DYRK2: variants seen among roughly 807,000 people sequenced by gnomAD.
DYRK2 encodes the protein dual specificity tyrosine-phosphorylation-regulated kinase 2.
In DYRK2, 12 loss-of-function variants were observed where a neutral mutation model predicts 41.6. The observed-to-expected ratio is 0.29, with a 90% confidence interval of 0.18 to 0.47. The LOEUF (loss-of-function observed/expected upper bound fraction) is 0.47, where lower values mean the gene tolerates loss of function less well. Ranked by LOEUF, DYRK2 falls within the 20% of genes least tolerant of loss-of-function variation. The pLI is 1.00. For missense variants in DYRK2, 678 were observed against 798.4 expected, an observed-to-expected ratio of 0.85 and a Z score of 1.82; for synonymous variants, 322 against 315.7, an observed-to-expected ratio of 1.02 and a Z score of -0.21.
rs1200342844 is a variant in DYRK2 at position 67,660,967 on chromosome 12, C to T, written c.*2254C>T. On this transcript the variant is annotated 3_prime_UTR_variant, in exon 3 of 3. Coordinates refer to ENST00000344096, the MANE Select transcript of DYRK2 (RefSeq NM_006482.3). Reference sequence around the variant, plus strand: ...GTGAACATTTATAAATGGACTAATACTGCTTGTCTTTCCCCCACCGCACAA... The same window carrying T: ...GTGAACATTTATAAATGGACTAATATTGCTTGTCTTTCCCCCACCGCACAA... 6.0e-6 allele frequency: 1 copy of T among 167,004 alleles called. No individual in the cohort carries two copies. Among genetic ancestry groups the T allele is most frequent in the Non-Finnish European group, 1.5e-5 (1 of 68,120 alleles). 10.3% of individuals were successfully genotyped at this position (167,004 alleles called of 1,614,324 possible).
At position 67,658,902 on chromosome 12, in the gene DYRK2, T is replaced by A. The variant is rs1872557068; in HGVS notation, c.*189T>A. The A allele has an allele frequency of 5.1e-6, 3 of 592,402 alleles. No homozygotes were observed. The highest frequency in any genetic ancestry group is 4.0e-5 in the Admixed American group (1 of 25,308). The allele number at this position is 592,402 out of a possible 1,614,324, so 36.7% of individuals were successfully genotyped here. A position where few individuals can be genotyped will look rare whatever the true frequency, so the allele number is the denominator to read the frequency against. Reference sequence around the variant, plus strand: ...TATAAAATACATGAGGACAATGCTTTAAGTTTTTATACTTTCAGAAACTTT... The same window carrying A: ...TATAAAATACATGAGGACAATGCTTAAAGTTTTTATACTTTCAGAAACTTT... On this transcript the variant is annotated 3_prime_UTR_variant, in exon 3 of 3. Coordinates refer to ENST00000344096, the MANE Select transcript of DYRK2 (RefSeq NM_006482.3). The surrounding 1 kb of genome is among the most constrained non-coding windows in gnomAD (Gnocchi z 4.3).
At position 67,658,276 on chromosome 12, in the gene DYRK2, A is replaced by G; in HGVS notation, c.1369A>G (p.Ser457Gly). Residue 457 changes from serine (S) to glycine (G), a missense_variant, in exon 3 of 3, where the codon AGC becomes GGC. Physicochemically the swap from Ser to Gly is moderately conservative, Grantham distance 56 (BLOSUM62 0). Transcript: ENST00000344096. This position sits in a 1 kb window ranked among gnomAD's most constrained non-coding sequence, Gnocchi z 4.3. ...DASKRAKNFV[S>G]SKGYPRYCTV... ...ATCCAAACGAGCCAAAAATTTTGTGAGCTCCAAGGGTTATCCCCGTTACTG... is the reference window on the plus strand; with the variant it reads ...ATCCAAACGAGCCAAAAATTTTGTGGGCTCCAAGGGTTATCCCCGTTACTG... 1 of 1,614,112 alleles carries G rather than the reference A, an allele frequency of 6.2e-7. No individual in the cohort carries two copies. Among genetic ancestry groups the G allele is most frequent in the African/African-American group, 1.3e-5 (1 of 75,024 alleles).
At position 67,658,357 on chromosome 12, in the gene DYRK2, A is replaced by C; in HGVS notation, c.1450A>C (p.Arg484=). Residue 484 remains arginine, a synonymous_variant, in exon 3 of 3, where the codon AGG becomes CGG. Coordinates refer to ENST00000344096, the MANE Select transcript of DYRK2 (RefSeq NM_006482.3). This position sits in a 1 kb window ranked among gnomAD's most constrained non-coding sequence, Gnocchi z 4.3. The part of the protein sequence containing the change: ...SVVLNGGRSR[R]GKLRGPPESR... ...GGTCCTAAACGGAGGCCGTTCCCGGAGGGGGAAACTGAGGGGCCCACCGGA... is the reference window on the plus strand; with the variant it reads ...GGTCCTAAACGGAGGCCGTTCCCGGCGGGGGAAACTGAGGGGCCCACCGGA... The C allele has an allele frequency of 6.2e-7, 1 of 1,611,106 alleles. No individual in the cohort carries two copies. Among genetic ancestry groups the C allele is most frequent in the Non-Finnish European group, 8.5e-7 (1 of 1,178,476 alleles).
At chr12:67,651,332 CTA>C (rs1872316300) in intron 2 of DYRK2, 1 of 255,434 alleles carries the variant, frequency 3.9e-6, no homozygotes, top group Admixed American at 5.5e-5. Flanking sequence ...CAGTTTTTTG[CTA>C]TGTGTTGATG....
chr12:67,658,105 G>T lies in DYRK2; in HGVS notation c.1198G>T (p.Gly400Cys). 6.2e-7 allele frequency: 1 copy of T among 1,614,202 alleles called. No homozygotes were observed. The highest frequency in any genetic ancestry group is 1.7e-5 in the Admixed American group (1 of 60,032). ...APEVILGARY[G>C]MPIDMWSLGC... Reference sequence around the variant, plus strand: ...AGAAGTGATCCTTGGGGCCAGGTATGGCATGCCCATTGATATGTGGAGCCT... The same window carrying T: ...AGAAGTGATCCTTGGGGCCAGGTATTGCATGCCCATTGATATGTGGAGCCT... Residue 400 changes from glycine (G) to cysteine (C), a missense_variant, in exon 3 of 3, where the codon GGC becomes TGC. By Grantham distance (159) the Gly-to-Cys change is radical. This residue lies in a region of DYRK2 where 393 missense variants were observed against 519.1 expected (regional missense o/e 0.76). Coordinates refer to ENST00000344096, the MANE Select transcript of DYRK2 (RefSeq NM_006482.3). This position sits in a 1 kb window ranked among gnomAD's most constrained non-coding sequence, Gnocchi z 4.3.
intron 1 of DYRK2, chr12:67,649,533 C>G (rs921122617): frequency 5.3e-6 from 2 of 375,642 alleles, no homozygotes; most frequent in Non-Finnish European, 9.2e-6. Context: ...GCAACGTGGG[C>G]CGCCTAGCCC....
Position 67,649,104 on chromosome 12 carries a change from C to T in DYRK2, c.-30C>T, listed in dbSNP as rs1872223736. 2 of 1,494,500 alleles carry T rather than the reference C, an allele frequency of 1.3e-6. No individual in the cohort carries two copies. The highest frequency in any genetic ancestry group is 1.8e-6 in the Non-Finnish European group (2 of 1,118,354). 92.6% of individuals were successfully genotyped at this position (1,494,500 alleles called of 1,614,324 possible). A position where few individuals can be genotyped will look rare whatever the true frequency, so the allele number is the denominator to read the frequency against. On this transcript the variant is annotated 5_prime_UTR_variant, in exon 1 of 3. Transcript: ENST00000344096. ...GCAGGACCGGCGGCGGCGACGGCAG[C>T]CCTGAAATGCATTTTCCTCTCCAGC...
At chr12:67,653,805 G>A (rs1008369918) in intron 2 of DYRK2, among the ~76,000 whole-genome samples, 1 of 152,204 alleles carries the variant, frequency 6.6e-6, no homozygotes, top group East Asian at 1.9e-4. Context: ...TTATGTTAAT[G>A]AGGACTTGGA....
At position 67,658,534 on chromosome 12, in the gene DYRK2, C is replaced by G. The variant is rs1872546161; in HGVS notation, c.1627C>G (p.Pro543Ala). ...PWLRRRLPKP[P>A]TGEKTSVKRI... ...GCTGAGGAGGCGGTTGCCAAAGCCT[C>G]CCACCGGGGAGAAAACGTCAGTGAA... Residue 543 changes from proline to alanine, a missense_variant, in exon 3 of 3, where the codon CCC (proline) becomes GCC (alanine). By Grantham distance (27) the Pro-to-Ala change is conservative. This residue lies in a region of DYRK2 where 393 missense variants were observed against 519.1 expected (regional missense o/e 0.76). Coordinates refer to ENST00000344096, the MANE Select transcript of DYRK2 (RefSeq NM_006482.3). The surrounding 1 kb of genome is among the most constrained non-coding windows in gnomAD (Gnocchi z 4.3). The G allele has an allele frequency of 1.2e-6, 2 of 1,613,736 alleles. No homozygotes were observed. The highest frequency in any genetic ancestry group is 1.1e-5 in the South Asian group (1 of 91,016).
rs749764319 is a variant in DYRK2 at position 67,658,050 on chromosome 12, G to A, written c.1143G>A (p.Thr381=). ...GTTACGAGCATCAGCGTGTCTACAC[G>A]TACATCCAGTCGCGTTTTTACCGGG... ...SSCYEHQRVY[T]YIQSRFYRAP... Residue 381 remains threonine, a synonymous_variant, in exon 3 of 3, where the codon ACG becomes ACA. Coordinates refer to ENST00000344096, the MANE Select transcript of DYRK2 (RefSeq NM_006482.3). The surrounding 1 kb of genome is among the most constrained non-coding windows in gnomAD (Gnocchi z 4.3). 7 of 1,614,142 alleles carry A rather than the reference G, an allele frequency of 4.3e-6. No homozygotes were observed. The highest frequency in any genetic ancestry group is 1.7e-5 in the Admixed American group (1 of 60,016).
Position 67,660,396 on chromosome 12 carries a change from T to G in DYRK2, c.*1683T>G, listed in dbSNP as rs936985783. ...AAGGTTTGAAAAAAACACTTTAATTTAGGCTTCGTTGGTTGATGGTGGAAA... is the reference window on the plus strand; with the variant it reads ...AAGGTTTGAAAAAAACACTTTAATTGAGGCTTCGTTGGTTGATGGTGGAAA... On this transcript the variant is annotated 3_prime_UTR_variant, in exon 3 of 3. Transcript: ENST00000344096. The G allele has an allele frequency of 1.2e-5, 2 of 167,002 alleles. No individual in the cohort carries two copies. The highest frequency in any genetic ancestry group is 3.8e-4 in the East Asian group (2 of 5,198). The allele number at this position is 167,002 out of a possible 1,614,324, so 10.3% of individuals were successfully genotyped here.
chr12:67,662,037 C>T lies in DYRK2; in HGVS notation c.*3324C>T, dbSNP rs141354957. The T allele has an allele frequency of 9.2e-4, 153 of 166,330 alleles. 2 individuals are homozygous for T. The highest frequency in any genetic ancestry group is 3.6e-3 in the African/African-American group (151 of 41,524). 10.3% of individuals were successfully genotyped at this position (166,330 alleles called of 1,614,324 possible). On this transcript the variant is annotated 3_prime_UTR_variant, in exon 3 of 3. Transcript: ENST00000344096. ...TTGGGGTCGTGTTAAATGACTCCATCAGAATGTTAGAAAACACTTTAGGCA... is the reference window on the plus strand; with the variant it reads ...TTGGGGTCGTGTTAAATGACTCCATTAGAATGTTAGAAAACACTTTAGGCA...
In DYRK2 at chr12:67,661,888, C is replaced by T. The variant is rs1872632828; in HGVS notation, c.*3175C>T. ...TTTAATTTTATAGTGTGATTAATCC[C>T]AGGGCATTTGGTATGAACCAAAGTG... On this transcript the variant is annotated 3_prime_UTR_variant, in exon 3 of 3. Coordinates refer to ENST00000344096, the MANE Select transcript of DYRK2 (RefSeq NM_006482.3). 6.0e-6 allele frequency: 1 copy of T among 166,780 alleles called. No individual in the cohort carries two copies. The highest frequency in any genetic ancestry group is 1.5e-5 in the Non-Finnish European group (1 of 68,088). The allele number at this position is 166,780 out of a possible 1,614,324, so 10.3% of individuals were successfully genotyped here.
At chr12:67,656,090 A>G (rs1481657276) in intron 2 of DYRK2, among the ~76,000 whole-genome samples, 1 of 152,206 alleles carries the variant, frequency 6.6e-6, no homozygotes, top group Non-Finnish European at 1.5e-5. Flanking sequence ...GGGGTTGTCC[A>G]AGGCAGGAAT....
rs1872667345 is a variant in DYRK2 at position 67,663,161 on chromosome 12, T to C, written c.*4448T>C. ...TTTAATGCTTATGAGTTTGCAGTTT[T>C]TGTACTTGGTGGTCTCTGTGGTTCA... On this transcript the variant is annotated 3_prime_UTR_variant, in exon 3 of 3. Transcript: ENST00000344096. The C allele has an allele frequency of 1.3e-5, 2 of 152,078 alleles. No individual in the cohort carries two copies. The highest frequency in any genetic ancestry group is 2.9e-5 in the Non-Finnish European group (2 of 67,984). 9.4% of individuals were successfully genotyped at this position (152,078 alleles called of 1,614,324 possible).
chr12:67,656,360 C>G (rs1420195026), intron 2 of DYRK2, among the ~76,000 whole-genome samples: 1 of 152,218 alleles, frequency 6.6e-6, no homozygotes, highest in Non-Finnish European at 1.5e-5. Context: ...AGCTGAGCCA[C>G]TGACCCCTCC....
chr12:67,650,539 C>T (rs942008342), intron 2 of DYRK2, among the ~76,000 whole-genome samples: 11 of 152,228 alleles, frequency 7.2e-5, no homozygotes, highest in Admixed American at 2.0e-4. Context: ...GCAGTCAAAA[C>T]AAGCCACCCC....
chr12:67,648,963 G>A lies in DYRK2; in HGVS notation c.-171G>A. 1 of 437,030 alleles carries A rather than the reference G, an allele frequency of 2.3e-6. No homozygotes were observed. 27.1% of individuals were successfully genotyped at this position (437,030 alleles called of 1,614,324 possible). A position where few individuals can be genotyped will look rare whatever the true frequency, so the allele number is the denominator to read the frequency against. On this transcript the variant is annotated 5_prime_UTR_variant, in exon 1 of 3. Coordinates refer to ENST00000344096, the MANE Select transcript of DYRK2 (RefSeq NM_006482.3). The stretch of plus-strand genomic sequence containing the variant: ...GCTCGCGGCGGCGGGCCCCGGCCGA[G>A]GGGATGCAGTGGACTGTGTGTGTCT...
At chr12:67,653,587 G>T (rs974954477) in intron 2 of DYRK2, among the ~76,000 whole-genome samples, 2 of 152,212 alleles carry the variant, frequency 1.3e-5, no homozygotes, top group Non-Finnish European at 2.9e-5. Context: ...AGTCTGTGCG[G>T]ATCCACTGCA....
Sources: gnomAD v4.1 joint callset for allele counts (sites outside exome capture counted in the v4.1 genomes callset) on GRCh38, gnomAD v4.1.1 for gene constraint, gnomAD v4.1.1 regional missense constraint, Gnocchi (gnomAD v3.1) non-coding constraint, MANE v1.5 for transcripts, NCBI Gene and HGNC (gene_info 2026-07-23, HGNC 2026-07-21) for gene names.